Variants in TSC22D2 observed in about 807,000 individuals in gnomAD.
TSC22D2 encodes the protein TSC22 domain family member 2, also known as TSC22 domain family protein 2.
Under a neutral mutation model 50.1 loss-of-function variants are expected in TSC22D2, and 5 were observed. The ratio of observed to expected loss-of-function variants is 0.10; its 90% CI spans 0.05 to 0.21. The LOEUF is 0.21. Among genes scored for constraint, TSC22D2 ranks in the 10% least tolerant of loss-of-function variants. The pLI, the probability that TSC22D2 is intolerant of heterozygous loss-of-function variation, is 1.00. For synonymous variants in TSC22D2, 501 were observed against 450.1 expected (o/e 1.11, Z -1.43); for missense variants, 1,003 against 1,015.5 (o/e 0.99, Z 0.17).
In TSC22D2 at chr3:150,466,402, T is replaced by C. The variant is rs1252980637; in HGVS notation, c.*7766T>C. 1 of 152,202 alleles carries C rather than the reference T, an allele frequency of 6.6e-6. No individual in the cohort carries two copies. Among genetic ancestry groups the C allele is most frequent in the African/African-American group, 2.4e-5 (1 of 41,446 alleles). The allele number at this position is 152,202 out of a possible 1,614,324, so 9.4% of individuals were successfully genotyped here. ...TATTGTTTGTGTAATGACAAATTAA[T>C]AAATTAGAAATAAAATAAAATAATG... On this transcript the variant is annotated 3_prime_UTR_variant, in exon 3 of 3. Coordinates refer to ENST00000688009, the MANE Select transcript of TSC22D2 (RefSeq NM_001303264.2).
chr3:150,416,190 T>C (rs6791546), intron 1 of TSC22D2, among the ~76,000 whole-genome samples: 30,487 of 152,104 alleles, frequency 0.2, 3,503 homozygotes, highest in African/African-American at 0.29. Context: ...TACTGAGGAA[T>C]GGTGTTCTAA....
chr3:150,428,611 A>C (rs535658485), intron 1 of TSC22D2, among the ~76,000 whole-genome samples: 1 of 144,634 alleles, frequency 6.9e-6, no homozygotes, highest in African/African-American at 2.7e-5. Flanking sequence ...AAAAAAAAAC[A>C]TACTTAGATA....
chr3:150,455,895 A>C (rs989069513), intron 1 of TSC22D2, among the ~76,000 whole-genome samples: 8 of 152,228 alleles, frequency 5.3e-5, no homozygotes, highest in Non-Finnish European at 1.2e-4. Context: ...TGTTTTTAGA[A>C]ATAAAATTCA....
rs764433242 is a variant in TSC22D2 at position 150,409,817 on chromosome 3, C to G, written c.467C>G (p.Thr156Ser). 3 of 1,604,784 alleles carry G rather than the reference C, an allele frequency of 1.9e-6. No individual in the cohort carries two copies. The highest frequency in any genetic ancestry group is 2.5e-6 in the Non-Finnish European group (3 of 1,179,980). Residue 156 changes from threonine to serine, a missense_variant, in exon 1 of 3, where the codon ACC (threonine) becomes AGC (serine). Thr to Ser is a moderately conservative substitution (Grantham distance 58). Transcript: ENST00000688009. The surrounding 1 kb of genome is among the most constrained non-coding windows in gnomAD (Gnocchi z 7.4). ...ACTGCAGCCCCATCTCAGCCTCCCA[C>G]CACATGTAGTTCCCGTTTTCGCGTG... Reference protein sequence around the residue: ...PVTAAPSQPPTTCSSRFRVIK... With the variant: ...PVTAAPSQPPSTCSSRFRVIK...
rs1018775552 is a variant in TSC22D2, at chr3:150,410,358, G to C, written c.1008G>C (p.Met336Ile). The C allele has an allele frequency of 3.7e-6, 6 of 1,600,252 alleles. No homozygotes were observed. Among genetic ancestry groups the C allele is most frequent in the Non-Finnish European group, 4.3e-6 (5 of 1,173,838 alleles). The part of the protein sequence containing the change: ...PTNVTLAQPA[M>I]SLPPQPGPAV... ...ATGTAACCCTGGCGCAGCCGGCTAT[G>C]TCCCTGCCTCCGCAGCCGGGCCCTG... Residue 336 changes from methionine (M) to isoleucine (I), a missense_variant, in exon 1 of 3, where the codon ATG becomes ATC. Physicochemically the swap from Met to Ile is conservative, Grantham distance 10. Transcript: ENST00000688009.
chr3:150,454,623 C>T (rs760253254), intron 1 of TSC22D2, among the ~76,000 whole-genome samples: 18 of 152,090 alleles, frequency 1.2e-4, no homozygotes, highest in African/African-American at 2.4e-5. Context: ...ACAAGACCTC[C>T]AGATGATTCT....
chr3:150,440,474 T>G (rs924860290), intron 1 of TSC22D2, among the ~76,000 whole-genome samples: 2 of 152,086 alleles, frequency 1.3e-5, no homozygotes, highest in African/African-American at 4.8e-5. Context: ...TAGAAAAGTC[T>G]TAGTACTTAT....
At position 150,442,235 on chromosome 3, in the gene TSC22D2, C is replaced by G. The variant is rs539676081; in HGVS notation, c.1959-14841C>G. On this transcript the variant is annotated intron_variant, in intron 1 of 2. Transcript: ENST00000688009. ...GAGCTATGTGCCCCCAGAACACCCT[C>G]TAAAATCTTGCTCTGTCTTAGCACT... is the stretch of plus-strand genomic sequence containing the variant. Among the ~76,000 whole-genome samples, 11 of 152,222 alleles carry G rather than the reference C, an allele frequency of 7.2e-5. No individual in the cohort carries two copies. The South Asian group carries it at 2.3e-3, about 32-fold the overall frequency.
At chr3:150,437,284 C>T (rs374779911) in intron 1 of TSC22D2, among the ~76,000 whole-genome samples, 5 of 152,026 alleles carry the variant, frequency 3.3e-5, no homozygotes, top group South Asian at 4.2e-4. Context: ...AGTTTTCTTC[C>T]GTGCCCATAT....
At chr3:150,420,847 C>T (rs763879080) in intron 1 of TSC22D2, among the ~76,000 whole-genome samples, 16 of 152,256 alleles carry the variant, frequency 1.1e-4, no homozygotes, top group South Asian at 4.1e-4. Flanking sequence ...TTTGGGAGGC[C>T]GAGGCGGGCA....
Position 150,410,970 on chromosome 3 carries a change from G to C in TSC22D2, c.1620G>C (p.Gln540His), listed in dbSNP as rs1719533264. The C allele has an allele frequency of 6.2e-7, 1 of 1,614,084 alleles. No individual in the cohort carries two copies. The highest frequency in any genetic ancestry group is 1.3e-5 in the African/African-American group (1 of 74,940). ...NVPAPLAQSQ[Q>H]LSSHTPVSRS... Reference sequence around the variant, plus strand: ...CCGCGCCTCTGGCCCAGTCGCAACAGCTGAGCAGCCATACGCCAGTCAGCA... The same window carrying C: ...CCGCGCCTCTGGCCCAGTCGCAACACCTGAGCAGCCATACGCCAGTCAGCA... Residue 540 changes from glutamine to histidine, a missense_variant, in exon 1 of 3, where the codon CAG (glutamine) becomes CAC (histidine). Gln to His is a conservative substitution (Grantham distance 24). Coordinates refer to ENST00000688009, the MANE Select transcript of TSC22D2 (RefSeq NM_001303264.2).
In TSC22D2 at chr3:150,463,928, A is replaced by T. The variant is rs1417465690; in HGVS notation, c.*5292A>T. 6.6e-6 allele frequency: 1 copy of T among 152,170 alleles called. No homozygotes were observed. The highest frequency in any genetic ancestry group is 1.5e-5 in the Non-Finnish European group (1 of 68,026). 9.4% of individuals were successfully genotyped at this position (152,170 alleles called of 1,614,324 possible). A position where few individuals can be genotyped will look rare whatever the true frequency, so the allele number is the denominator to read the frequency against. On this transcript the variant is annotated 3_prime_UTR_variant, in exon 3 of 3. Transcript: ENST00000688009. ...CAGCAGGGAAACTGATAGACTAGGCAGTTTGGGGAATTTTCCCATTGTCTA... is the reference window on the plus strand; with the variant it reads ...CAGCAGGGAAACTGATAGACTAGGCTGTTTGGGGAATTTTCCCATTGTCTA...
intron 1 of TSC22D2, among the ~76,000 whole-genome samples, chr3:150,420,424 A>G (rs9810244): frequency 0.088 from 13,398 of 152,266 alleles, 733 homozygotes; most frequent in Middle Eastern, 0.14. Context: ...TAGTACATAG[A>G]TTGTGTAACT....
chr3:150,450,804 G>A (rs752115281), intron 1 of TSC22D2, among the ~76,000 whole-genome samples: 2 of 151,870 alleles, frequency 1.3e-5, no homozygotes, highest in East Asian at 1.9e-4. Flanking sequence ...TCAGTGACTC[G>A]CATTTTCTTA....
chr3:150,448,518 A>G (rs981360873), intron 1 of TSC22D2, among the ~76,000 whole-genome samples: 3 of 152,214 alleles, frequency 2.0e-5, no homozygotes, highest in Non-Finnish European at 4.4e-5. Context: ...AAAGTCAAGT[A>G]TCTTAAATAA....
At chr3:150,456,821 T>C (rs1721206352) in intron 1 of TSC22D2, 1 of 407,560 alleles carries the variant, frequency 2.5e-6, no homozygotes, top group African/African-American at 2.1e-5. Flanking sequence ...AGAGTTAGTT[T>C]TAAAGTAGCA....
rs1327371434 is a variant in TSC22D2, at chr3:150,409,760, C to T, written c.410C>T (p.Pro137Leu). The T allele has an allele frequency of 6.2e-7, 1 of 1,601,960 alleles. No homozygotes were observed. Residue 137 changes from proline to leucine, a missense_variant, in exon 1 of 3, where the codon CCC (proline) becomes CTC (leucine). Around this residue, in one of 6 missense-constraint regions of TSC22D2, gnomAD observed 200 missense variants for 182.8 expected, o/e 1.09. Coordinates refer to ENST00000688009, the MANE Select transcript of TSC22D2 (RefSeq NM_001303264.2). The surrounding 1 kb of genome is among the most constrained non-coding windows in gnomAD (Gnocchi z 7.4). Reference sequence around the variant, plus strand: ...CCCGCCCCCGGAGCACCCGGCGGCCCCCAGCTCGCGGGCTCATCCGCCGGG... The same window carrying T: ...CCCGCCCCCGGAGCACCCGGCGGCCTCCAGCTCGCGGGCTCATCCGCCGGG... ...SAPAPGAPGG[P>L]QLAGSSAGPV...
chr3:150,447,241 A>AT (rs1158137908), intron 1 of TSC22D2, among the ~76,000 whole-genome samples: 1 of 152,242 alleles, frequency 6.6e-6, no homozygotes, highest in Non-Finnish European at 1.5e-5. Flanking sequence ...GATGAAAAGA[A>AT]TAAGTAGCAT....
intron 1 of TSC22D2, among the ~76,000 whole-genome samples, chr3:150,438,713 C>T (rs1720625862): frequency 6.6e-6 from 1 of 151,944 alleles, no homozygotes; most frequent in Non-Finnish European, 1.5e-5. Context: ...ATATATTCAT[C>T]TTTTCTTTAA....
Sources: gnomAD v4.1 joint callset for allele counts (sites outside exome capture counted in the v4.1 genomes callset) on GRCh38, gnomAD v4.1.1 for gene constraint, gnomAD v4.1.1 regional missense constraint, Gnocchi (gnomAD v3.1) non-coding constraint, MANE v1.5 for transcripts, NCBI Gene and HGNC (gene_info 2026-07-23, HGNC 2026-07-21) for gene names.